Variants in RNGTT observed in about 807,000 individuals in gnomAD.
The protein encoded by RNGTT is mRNA-capping enzyme.
A neutral mutation model predicts 79.3 loss-of-function variants in RNGTT; 33 were observed. That is an observed-to-expected ratio of 0.42 (90% CI 0.32 to 0.56). RNGTT has a LOEUF of 0.56. Ranked by LOEUF, RNGTT falls within the 20% of genes least tolerant of loss-of-function variation. The pLI is 0.17. For missense variants in RNGTT, 497 were observed against 739.1 expected, an observed-to-expected ratio of 0.67 and a Z score of 3.80; for synonymous variants, 222 against 235.9, an observed-to-expected ratio of 0.94 and a Z score of 0.54.
chr6:88,803,064 A>G (rs1301469478), intron 11 of RNGTT, among the ~76,000 whole-genome samples: 2 of 152,230 alleles, frequency 1.3e-5, no homozygotes, highest in Non-Finnish European at 2.9e-5. Context: ...ACTTGCAACA[A>G]AAATCTGTGA....
At chr6:88,745,927 GCTTTGTGATA>G (rs1381530219) in intron 13 of RNGTT, among the ~76,000 whole-genome samples, 1 of 152,108 alleles carries the variant, frequency 6.6e-6, no homozygotes, top group East Asian at 1.9e-4. Context: ...CTCTTGCCCT[GCTTTGTGATA>G]CAAGATCAGG....
intron 13 of RNGTT, among the ~76,000 whole-genome samples, chr6:88,754,129 A>G (rs2127831947): frequency 6.6e-6 from 1 of 152,344 alleles, no homozygotes; most frequent in South Asian, 2.1e-4. Flanking sequence ...TGATAAATCT[A>G]AACATGTCTG....
chr6:88,924,149 C>G (rs572048860), intron 4 of RNGTT, among the ~76,000 whole-genome samples: 1 of 152,322 alleles, frequency 6.6e-6, no homozygotes, highest in African/African-American at 2.4e-5. Flanking sequence ...ATGCCATGTG[C>G]AAGGGCCTTG....
At chr6:88,907,680 A>C (rs1285365446) in intron 4 of RNGTT, among the ~76,000 whole-genome samples, 1 of 152,092 alleles carries the variant, frequency 6.6e-6, no homozygotes, top group African/African-American at 2.4e-5. Flanking sequence ...TTCAAAATGA[A>C]GCTTTTCCTG....
chr6:88,791,259 C>T (rs1284365640), intron 12 of RNGTT, among the ~76,000 whole-genome samples: 6 of 151,472 alleles, frequency 4.0e-5, no homozygotes, highest in Non-Finnish European at 7.4e-5. Flanking sequence ...ATCCTCCTAC[C>T]TCAGCCTCCC....
chr6:88,777,784 T>C (rs1024425151), intron 12 of RNGTT, among the ~76,000 whole-genome samples: 4 of 152,184 alleles, frequency 2.6e-5, no homozygotes, highest in Non-Finnish European at 5.9e-5. Context: ...ATGCCTGTTG[T>C]TTCTTTTTCT....
chr6:88,755,982 A>G (rs1239006113), intron 13 of RNGTT, among the ~76,000 whole-genome samples: 2 of 150,778 alleles, frequency 1.3e-5, no homozygotes, highest in Non-Finnish European at 3.0e-5. Context: ...AAAAAAAAAA[A>G]AAGAACATCT....
chr6:88,816,073 A>G (rs1232983630), intron 11 of RNGTT, among the ~76,000 whole-genome samples: 1 of 152,242 alleles, frequency 6.6e-6, no homozygotes, highest in African/African-American at 2.4e-5. Flanking sequence ...TGAACAAAAT[A>G]GCAAAATATG....
At chr6:88,713,760 T>C (rs1776401645) in intron 13 of RNGTT, among the ~76,000 whole-genome samples, 1 of 152,240 alleles carries the variant, frequency 6.6e-6, no homozygotes, top group South Asian at 2.1e-4. Context: ...TTGTCTTGTA[T>C]TACGGGCTTT....
At chr6:88,927,836 A>C (rs576612046) in intron 4 of RNGTT, among the ~76,000 whole-genome samples, 1 of 150,464 alleles carries the variant, frequency 6.6e-6, no homozygotes, top group African/African-American at 2.4e-5. Flanking sequence ...TCCATCTCAA[A>C]AAAAAAAAAA....
chr6:88,745,247 T>C (rs1777624019), intron 13 of RNGTT, among the ~76,000 whole-genome samples: 1 of 152,240 alleles, frequency 6.6e-6, no homozygotes, highest in African/African-American at 2.4e-5. Context: ...CTATATCATC[T>C]ACTCTGATAT....
intron 13 of RNGTT, among the ~76,000 whole-genome samples, chr6:88,718,386 CAAA>C (rs569752110): frequency 4.4e-5 from 4 of 90,254 alleles, no homozygotes; most frequent in Non-Finnish European, 7.0e-5. Context: ...GACTGTCTCT[CAAA>C]AAAAAAAAAA....
Position 88,717,570 on chromosome 6 carries a change from C to T in RNGTT, c.1440-39151G>A, listed in dbSNP as rs1458232679. Among the ~76,000 whole-genome samples the T allele has an allele frequency of 3.9e-5, 6 of 152,268 alleles. No individual in the cohort carries two copies. The East Asian group carries it at 1.2e-3, about 29-fold the overall frequency. On this transcript the variant is annotated intron_variant, in intron 13 of 15. Transcript: ENST00000369485. ...AAGGTGGCAGTCTGACAAGGGAGCT[C>T]AGGATCCAAGGAACAAAATGATGAT...
chr6:88,640,965 T>G (rs2127773096), intron 14 of RNGTT, among the ~76,000 whole-genome samples: 1 of 152,326 alleles, frequency 6.6e-6, no homozygotes, highest in East Asian at 1.9e-4. Context: ...ATAATGTATT[T>G]CTTCTATGAG....
chr6:88,850,101 G>A (rs1443450204), intron 9 of RNGTT, among the ~76,000 whole-genome samples: 1 of 151,798 alleles, frequency 6.6e-6, no homozygotes, highest in East Asian at 1.9e-4. Context: ...CTTTATGCTT[G>A]AATTACTAAG....
At chr6:88,724,992 T>A (rs1258929821) in intron 13 of RNGTT, among the ~76,000 whole-genome samples, 1 of 152,178 alleles carries the variant, frequency 6.6e-6, no homozygotes, top group Non-Finnish European at 1.5e-5. Flanking sequence ...TGCCCAAGTG[T>A]GCGCTCACCA....
At chr6:88,772,541 C>G (rs1219541099) in intron 12 of RNGTT, among the ~76,000 whole-genome samples, 1 of 150,326 alleles carries the variant, frequency 6.7e-6, no homozygotes, top group Admixed American at 6.6e-5. Flanking sequence ...AGGCAACCTA[C>G]AAAATGGGAG....
intron 1 of RNGTT, among the ~76,000 whole-genome samples, chr6:88,952,004 G>T (rs745961597): frequency 6.6e-6 from 1 of 152,174 alleles, no homozygotes; most frequent in East Asian, 1.9e-4. Flanking sequence ...CAGACAGGGA[G>T]GGGTAGGGCC....
intron 13 of RNGTT, among the ~76,000 whole-genome samples, chr6:88,688,507 C>T (rs574215367): frequency 1.3e-5 from 2 of 152,042 alleles, no homozygotes; most frequent in Non-Finnish European, 2.9e-5. Context: ...TAAAAGAAAC[C>T]AGGGCTCCTT....
Sources: allele counts gnomAD v4.1 joint callset (sites outside exome capture counted in the v4.1 genomes callset), GRCh38; gene constraint gnomAD v4.1.1; transcripts MANE v1.5; gene names NCBI Gene and HGNC (gene_info 2026-07-23, HGNC 2026-07-21).